HYCC2: variants seen among roughly 807,000 people sequenced by gnomAD.
HYCC2 encodes hyccin PI4KA lipid kinase complex subunit 2.
the HYCC2 span, among the ~76,000 whole-genome samples, chr2:201,061,629 T>G: frequency 2.2e-5 from 3 of 134,750 alleles, no homozygotes; most frequent in African/African-American, 9.2e-5. Flanking sequence ...TACTTATAGT[T>G]TTTTTTTTTT....
chr2:201,026,649 G>A, the HYCC2 span, among the ~76,000 whole-genome samples: 2 of 152,146 alleles, frequency 1.3e-5, no homozygotes, highest in Non-Finnish European at 2.9e-5. Flanking sequence ...TAGAACTCAG[G>A]ATTAAGAAAC....
the HYCC2 span, among the ~76,000 whole-genome samples, chr2:201,029,994 G>A: frequency 6.6e-6 from 1 of 152,128 alleles, no homozygotes; most frequent in African/African-American, 2.4e-5. Flanking sequence ...GGCTGAGGTG[G>A]GAAGAACGCT....
chr2:201,038,927 T>C, the HYCC2 span, among the ~76,000 whole-genome samples: 2 of 151,186 alleles, frequency 1.3e-5, no homozygotes, highest in Non-Finnish European at 3.0e-5. Context: ...AAATTGTTGA[T>C]TAAAAAAAAA....
At chr2:200,974,685 TA>T in the HYCC2 span, 1 of 152,036 alleles carries the variant, frequency 6.6e-6, no homozygotes, top group Non-Finnish European at 1.5e-5. Flanking sequence ...CTCCCTGCTA[TA>T]AAAAACAATA....
the HYCC2 span, among the ~76,000 whole-genome samples, chr2:201,029,906 G>A: frequency 9.9e-5 from 15 of 152,208 alleles, no homozygotes; most frequent in Admixed American, 4.6e-4. Context: ...TTGTGCACAT[G>A]TACCCTAGAA....
the HYCC2 span, chr2:201,063,884 T>C: frequency 3.8e-6 from 6 of 1,595,452 alleles, no homozygotes; most frequent in Non-Finnish European, 5.1e-6. Flanking sequence ...TTTTGGCAAT[T>C]ACAAAAATCA....
the HYCC2 span, chr2:200,992,356 C>A: frequency 6.2e-7 from 1 of 1,606,364 alleles, no homozygotes; most frequent in Non-Finnish European, 8.5e-7. Context: ...CAAGGTCCCA[C>A]TGTCCATTAT....
chr2:201,013,715 C>G, the HYCC2 span, among the ~76,000 whole-genome samples: 1 of 152,188 alleles, frequency 6.6e-6, no homozygotes, highest in Non-Finnish European at 1.5e-5. Context: ...GGCCACTGTG[C>G]TTCAGAGAAA....
chr2:201,007,930 T>C, the HYCC2 span, among the ~76,000 whole-genome samples: 2 of 152,222 alleles, frequency 1.3e-5, no homozygotes, highest in African/African-American at 4.8e-5. Flanking sequence ...AGGAGGGTAA[T>C]GTATCCTGAC....
the HYCC2 span, among the ~76,000 whole-genome samples, chr2:200,999,432 C>G: frequency 2.0e-5 from 3 of 151,780 alleles, no homozygotes; most frequent in Non-Finnish European, 4.4e-5. Context: ...GTCACCCAGG[C>G]TGAAGTATAA....
chr2:201,038,660 A>G, the HYCC2 span, among the ~76,000 whole-genome samples: 1 of 151,780 alleles, frequency 6.6e-6, no homozygotes, highest in Non-Finnish European at 1.5e-5. Flanking sequence ...ACCAAACACC[A>G]CATGTTCTCA....
chr2:201,066,310 G>A, the HYCC2 span, among the ~76,000 whole-genome samples: 2 of 152,164 alleles, frequency 1.3e-5, no homozygotes, highest in East Asian at 3.8e-4. Flanking sequence ...CTGACCTCAA[G>A]TGATCTGCTC....
the HYCC2 span, among the ~76,000 whole-genome samples, chr2:201,046,424 G>T: frequency 5.3e-5 from 8 of 151,770 alleles, no homozygotes; most frequent in South Asian, 2.1e-4. Flanking sequence ...GTTCTGCAGT[G>T]GGGGGGAAGA....
chr2:201,044,688 A>C, the HYCC2 span, among the ~76,000 whole-genome samples: 2 of 152,226 alleles, frequency 1.3e-5, no homozygotes, highest in African/African-American at 4.8e-5. Context: ...GTACAACATA[A>C]GTCTTCAATG....
the HYCC2 span, among the ~76,000 whole-genome samples, chr2:201,056,057 G>A: frequency 6.6e-6 from 1 of 152,132 alleles, no homozygotes; most frequent in Non-Finnish European, 1.5e-5. Context: ...GGTGGTGGCA[G>A]GCGCCTGTAG....
the HYCC2 span, among the ~76,000 whole-genome samples, chr2:201,038,301 T>C: frequency 6.6e-6 from 1 of 152,166 alleles, no homozygotes; most frequent in Non-Finnish European, 1.5e-5. Flanking sequence ...GGTGGGACTG[T>C]AAACTAGTTC....
the HYCC2 span, among the ~76,000 whole-genome samples, chr2:201,040,920 G>C: frequency 6.6e-6 from 1 of 152,130 alleles, no homozygotes; most frequent in African/African-American, 2.4e-5. Flanking sequence ...CCCCTTAAAG[G>C]ATCCTGAGGA....
the HYCC2 span, chr2:201,022,081 C>G: frequency 7.8e-7 from 1 of 1,289,664 alleles, no homozygotes. Context: ...AAACTCACTC[C>G]AGTACACAGC....
chr2:201,043,560 G>A, the HYCC2 span, among the ~76,000 whole-genome samples: 3 of 147,210 alleles, frequency 2.0e-5, no homozygotes, highest in African/African-American at 7.6e-5. Flanking sequence ...CTAGGCTAGA[G>A]TGCAGTGGCG....
Sources: gnomAD v4.1 joint callset for allele counts (sites outside exome capture counted in the v4.1 genomes callset) on GRCh38, gnomAD v4.1.1 for gene constraint, MANE v1.5 for transcripts, NCBI Gene and HGNC (gene_info 2026-07-23, HGNC 2026-07-21) for gene names.